The following AGBL4 variants were observed in gnomAD, a reference collection of about 807,000 sequenced individuals.
The protein encoded by AGBL4 is cytosolic carboxypeptidase 6.
AGBL4 carries 58 observed loss-of-function variants against 66.4 expected under a neutral mutation model. That is an observed-to-expected ratio of 0.87 (90% confidence interval 0.71 to 1.09). AGBL4 has a LOEUF of 1.09. AGBL4 is among the 50% of genes least tolerant of loss of function. The pLI, the probability that AGBL4 is intolerant of heterozygous loss-of-function variation, is 0.00. For synonymous variants in AGBL4, 234 were observed against 222.9 expected (o/e 1.05, Z -0.44); for missense variants, 579 against 631.0 (o/e 0.92, Z 0.88).
At chr1:49,470,495 G>A (rs1646719843) in intron 3 of AGBL4, among the ~76,000 whole-genome samples, 1 of 151,936 alleles carries the variant, frequency 6.6e-6, no homozygotes, top group African/African-American at 2.4e-5. Context: ...TATTAGAAGT[G>A]TCATTACCAA....
intron 3 of AGBL4, among the ~76,000 whole-genome samples, chr1:49,269,510 A>G (rs960203643): frequency 6.6e-6 from 1 of 152,190 alleles, no homozygotes; most frequent in African/African-American, 2.4e-5. Flanking sequence ...AGATTAACTG[A>G]GAGTCTGACA....
chr1:48,810,275 T>C (rs575765389), intron 6 of AGBL4, among the ~76,000 whole-genome samples: 47 of 152,282 alleles, frequency 3.1e-4, no homozygotes, highest in Middle Eastern at 3.4e-3. Context: ...CTGTTGACAG[T>C]GGGCAAGCTG....
intron 5 of AGBL4, among the ~76,000 whole-genome samples, chr1:48,956,422 A>C (rs3127547): frequency 6.6e-6 from 1 of 152,054 alleles, no homozygotes; most frequent in African/African-American, 2.4e-5. Flanking sequence ...ATTACAACCA[A>C]TCAATGGCTT....
intron 6 of AGBL4, among the ~76,000 whole-genome samples, chr1:48,689,829 C>T (rs981126587): frequency 2.0e-5 from 3 of 152,138 alleles, no homozygotes; most frequent in Non-Finnish European, 4.4e-5. Flanking sequence ...CACTTGAACG[C>T]AGGAGGCAGA....
intron 3 of AGBL4, among the ~76,000 whole-genome samples, chr1:49,696,545 C>T: frequency 6.6e-6 from 1 of 151,844 alleles, no homozygotes; most frequent in East Asian, 1.9e-4. Flanking sequence ...CAAAATTATT[C>T]AAAGTATTGT....
Position 49,246,911 on chromosome 1 carries a change from C to A in AGBL4, c.283-1047G>T, listed in dbSNP as rs538551523. 4.6e-5 allele frequency among the ~76,000 whole-genome samples: 7 copies of A among 152,010 alleles called. No homozygotes were observed. The East Asian group carries it at 1.2e-3, about 25-fold the overall frequency. On this transcript the variant is annotated intron_variant, in intron 3 of 13. Coordinates refer to ENST00000371839, the MANE Select transcript of AGBL4 (RefSeq NM_032785.4). ...TATTTTATTCAACAAGTATTTACTG[C>A]GTGAGGTATTATATAGTATCAAGTG...
chr1:49,446,066 G>T (rs1646149524), intron 3 of AGBL4, among the ~76,000 whole-genome samples: 1 of 152,086 alleles, frequency 6.6e-6, no homozygotes, highest in Admixed American at 6.6e-5. Flanking sequence ...TGGCCAGGCT[G>T]GTCTTAAACT....
rs72895659 is a variant in AGBL4, at chr1:49,045,639, C to T, written c.539G>A (p.Ser180Asn). The change falls in exon 5 of 14, where the codon AGC becomes AAC. Residue 180 changes from serine (S) to asparagine (N), a missense_variant. By Grantham distance (46) the Ser-to-Asn change is conservative. Coordinates refer to ENST00000371839, the MANE Select transcript of AGBL4 (RefSeq NM_032785.4). The part of the protein sequence containing the change: ...TYTRFQHYLD[S>N]LQKRNMDYFF... ...GTAATCCATGTTTCTCTTTTGCAGG[C>T]TGTCAAGGTAATGTTGGAAGCGAGT... The T allele has an allele frequency of 3.7e-3, 5,944 of 1,599,592 alleles. 58 individuals are homozygous for T. The highest frequency in any genetic ancestry group is 0.028 in the African/African-American group (2,111 of 74,798).
intron 1 of AGBL4, among the ~76,000 whole-genome samples, chr1:49,903,206 C>T (rs1040577151): frequency 2.0e-5 from 3 of 152,048 alleles, no homozygotes; most frequent in Admixed American, 6.6e-5. Context: ...ACATGGATGG[C>T]GCTGGAGATC....
chr1:48,693,200 A>G (rs931967013), intron 6 of AGBL4, among the ~76,000 whole-genome samples: 13 of 152,084 alleles, frequency 8.5e-5, no homozygotes, highest in African/African-American at 3.1e-4. Flanking sequence ...AAGTCCCCGG[A>G]CCCTGGGCAG....
chr1:49,776,402 C>T (rs1353024674), intron 2 of AGBL4, among the ~76,000 whole-genome samples: 1 of 152,044 alleles, frequency 6.6e-6, no homozygotes, highest in East Asian at 1.9e-4. Flanking sequence ...CTCTGTAGAA[C>T]ACTCTAGTGA....
intron 6 of AGBL4, among the ~76,000 whole-genome samples, chr1:48,861,645 G>A (rs1647486424): frequency 6.6e-6 from 1 of 152,156 alleles, no homozygotes. Flanking sequence ...CTCTATATGG[G>A]AATGCAAGAC....
intron 6 of AGBL4, among the ~76,000 whole-genome samples, chr1:48,752,803 G>A (rs1651954335): frequency 6.6e-6 from 1 of 151,966 alleles, no homozygotes; most frequent in South Asian, 2.1e-4. Flanking sequence ...AGGCTGGAGT[G>A]CAGTGGCATG....
intron 3 of AGBL4, among the ~76,000 whole-genome samples, chr1:49,361,909 T>G (rs1644144434): frequency 6.6e-6 from 1 of 152,188 alleles, no homozygotes; most frequent in Admixed American, 6.5e-5. Flanking sequence ...TTCAACTGTT[T>G]AATCAATATC....
intron 1 of AGBL4, among the ~76,000 whole-genome samples, chr1:49,852,528 A>C (rs1398472136): frequency 1.3e-5 from 2 of 152,102 alleles, no homozygotes; most frequent in African/African-American, 2.4e-5. Context: ...GTACAGGCCT[A>C]GAGAAGGGGA....
intron 2 of AGBL4, among the ~76,000 whole-genome samples, chr1:49,747,433 A>T (rs2147825841): frequency 6.6e-6 from 1 of 152,312 alleles, no homozygotes; most frequent in East Asian, 1.9e-4. Context: ...ATAACATAAG[A>T]AATTCTGATG....
At chr1:49,844,223 G>A (rs1302859755) in intron 2 of AGBL4, among the ~76,000 whole-genome samples, 1 of 152,168 alleles carries the variant, frequency 6.6e-6, no homozygotes, top group Non-Finnish European at 1.5e-5. Context: ...GAAGCTGGGT[G>A]TCAGCAGACT....
intron 9 of AGBL4, among the ~76,000 whole-genome samples, chr1:48,616,961 G>T: frequency 6.6e-6 from 1 of 152,182 alleles, no homozygotes; most frequent in East Asian, 1.9e-4. Flanking sequence ...TTGCTTCAGA[G>T]CAGGGACCAT....
intron 1 of AGBL4, among the ~76,000 whole-genome samples, chr1:49,944,773 GA>G (rs1655063817): frequency 6.6e-6 from 1 of 151,650 alleles, no homozygotes; most frequent in Non-Finnish European, 1.5e-5. Context: ...GGAGGTACCA[GA>G]AAAATGCAAA....
Sources: allele counts gnomAD v4.1 joint callset (sites outside exome capture counted in the v4.1 genomes callset), GRCh38; gene constraint gnomAD v4.1.1; transcripts MANE v1.5; gene names NCBI Gene and HGNC (gene_info 2026-07-23, HGNC 2026-07-21).